CD2AP: variants seen among roughly 807,000 people sequenced by gnomAD.
CD2AP encodes CD2-associated protein.
A neutral mutation model predicts 85.1 loss-of-function variants in CD2AP; 46 were observed. The observed-to-expected ratio is 0.54, with a 90% confidence interval of 0.43 to 0.69. The LOEUF (loss-of-function observed/expected upper bound fraction) is 0.69, where lower values mean the gene tolerates loss of function less well. Ranked by LOEUF, CD2AP falls within the 30% of genes least tolerant of loss-of-function variation. The pLI is 0.00. For synonymous variants in CD2AP, 255 were observed against 252.9 expected (o/e 1.01, Z -0.08); for missense variants, 769 against 729.5 (o/e 1.05, Z -0.62).
intron 17 of CD2AP, among the ~76,000 whole-genome samples, chr6:47,617,751 A>G (rs1769630139): frequency 6.6e-6 from 1 of 152,000 alleles, no homozygotes; most frequent in African/African-American, 2.4e-5. Context: ...CCTTTCCTTC[A>G]TGGAGTACTT....
At chr6:47,503,529 T>C in intron 2 of CD2AP, 89 bp downstream of exon 2, 1 of 1,170,282 alleles carries the variant, frequency 8.5e-7, no homozygotes, top group East Asian at 2.6e-5. Context: ...AAAATTAAAA[T>C]GTTTTAGATA....
At chr6:47,547,580 G>A (rs548689409) in intron 4 of CD2AP, among the ~76,000 whole-genome samples, 20 of 152,024 alleles carry the variant, frequency 1.3e-4, no homozygotes, top group African/African-American at 4.8e-4. Context: ...AATAATAGTG[G>A]GGGACTTCAA....
intron 17 of CD2AP, 148 bp from the exon 18 acceptor site, chr6:47,624,038 C>A: frequency 1.5e-6 from 1 of 679,476 alleles, no homozygotes; most frequent in Non-Finnish European, 2.5e-6. Flanking sequence ...CTTTATTCAA[C>A]CAAATTATAG....
intron 1 of CD2AP, among the ~76,000 whole-genome samples, chr6:47,487,472 C>T (rs2113962634): frequency 6.6e-6 from 1 of 152,252 alleles, no homozygotes; most frequent in African/African-American, 2.4e-5. Flanking sequence ...GGACAGATCA[C>T]AAGGTCAGGA....
intron 3 of CD2AP, among the ~76,000 whole-genome samples, chr6:47,535,603 C>G (rs1767018267): frequency 6.6e-6 from 1 of 152,110 alleles, no homozygotes; most frequent in African/African-American, 2.4e-5. Flanking sequence ...CTTTGTTTCT[C>G]AAGGAAATAC....
chr6:47,594,953 G>A (rs904681532), intron 11 of CD2AP, among the ~76,000 whole-genome samples: 5 of 151,984 alleles, frequency 3.3e-5, no homozygotes, highest in African/African-American at 1.2e-4. Context: ...TCTTGTGATA[G>A]ACATTTTTTT....
chr6:47,583,339 A>G (rs1266050800), intron 11 of CD2AP, among the ~76,000 whole-genome samples: 2 of 152,154 alleles, frequency 1.3e-5, no homozygotes, highest in Non-Finnish European at 2.9e-5. Flanking sequence ...GATTTTGACA[A>G]ATGTATAATG....
chr6:47,568,406 CTG>C (rs903029471), intron 5 of CD2AP, among the ~76,000 whole-genome samples: 2 of 152,060 alleles, frequency 1.3e-5, no homozygotes, highest in African/African-American at 4.8e-5. Context: ...ATTCGGATGT[CTG>C]TGCAAAACTG....
intron 11 of CD2AP, among the ~76,000 whole-genome samples, chr6:47,582,790 G>GT (rs1554181771): frequency 2.3e-5 from 2 of 86,790 alleles, no homozygotes; most frequent in Non-Finnish European, 2.5e-5. Context: ...GTTTTTTTTT[G>GT]TTTTGTTTTT....
intron 17 of CD2AP, 96 bp downstream of exon 17, chr6:47,612,632 C>A: frequency 2.5e-6 from 2 of 791,650 alleles, no homozygotes; most frequent in Non-Finnish European, 4.4e-6. Flanking sequence ...ACAAATTATG[C>A]TATACTACTT....
chr6:47,551,362 C>G (rs1011751652), intron 4 of CD2AP, among the ~76,000 whole-genome samples: 2 of 152,048 alleles, frequency 1.3e-5, no homozygotes, highest in Non-Finnish European at 2.9e-5. Flanking sequence ...TAATTTATCA[C>G]TAGTGTTTTT....
chr6:47,501,876 C>T (rs1444200022), intron 1 of CD2AP, among the ~76,000 whole-genome samples: 4 of 152,136 alleles, frequency 2.6e-5, no homozygotes. Flanking sequence ...TATTAATCTT[C>T]ATTTTAGAGT....
At chr6:47,577,957 TATA>T (rs1437655271) in intron 8 of CD2AP, among the ~76,000 whole-genome samples, 4 of 152,326 alleles carry the variant, frequency 2.6e-5, no homozygotes, top group Admixed American at 2.6e-4. Context: ...TTGTGTAAAG[TATA>T]ATGATGTTAT....
At chr6:47,610,579 G>C (rs2114151410) in intron 16 of CD2AP, among the ~76,000 whole-genome samples, 1 of 152,098 alleles carries the variant, frequency 6.6e-6, no homozygotes, top group African/African-American at 2.4e-5. Context: ...AAGGTATTTG[G>C]AGTTTGCAGA....
intron 10 of CD2AP, among the ~76,000 whole-genome samples, chr6:47,581,602 C>A (rs1768481341): frequency 6.6e-6 from 1 of 152,032 alleles, no homozygotes. Flanking sequence ...AATGTGGTAG[C>A]CACTAACCAT....
rs749511546 is a variant in CD2AP, at chr6:47,607,942, G to A, written c.1546G>A (p.Glu516Lys). Residue 516 changes from glutamate (E) to lysine (K), a missense_variant, in exon 15 of 18, where the codon GAA (glutamate) becomes AAA (lysine). Physicochemically the swap from Glu to Lys is moderately conservative, Grantham distance 56 (BLOSUM62 1). Transcript: ENST00000359314. ...NGGHSPTHSPEKILKLPKEED... is the reference protein window; with the variant it reads ...NGGHSPTHSPKKILKLPKEED... Reference sequence around the variant, plus strand: ...AATCATTTAGCCAACTCACAGCCCCGAAAAAATCTTGAAGTTACCAAAAGA... The same window carrying A: ...AATCATTTAGCCAACTCACAGCCCCAAAAAAATCTTGAAGTTACCAAAAGA... The A allele has an allele frequency of 1.3e-5, 21 of 1,611,838 alleles. No homozygotes were observed. Among genetic ancestry groups the A allele is most frequent in the South Asian group, 1.2e-4 (11 of 90,922 alleles).
intron 2 of CD2AP, among the ~76,000 whole-genome samples, chr6:47,529,953 G>T (rs1426657704): frequency 6.6e-6 from 1 of 152,120 alleles, no homozygotes; most frequent in Admixed American, 6.6e-5. Context: ...TTCCTCAGAA[G>T]CTCTGTGCTT....
intron 11 of CD2AP, among the ~76,000 whole-genome samples, chr6:47,592,181 T>G (rs1768819142): frequency 6.6e-6 from 1 of 152,116 alleles, no homozygotes; most frequent in Non-Finnish European, 1.5e-5. Flanking sequence ...TAATTCTTCC[T>G]TGGTCATTCA....
At chr6:47,562,831 GA>G in intron 5 of CD2AP, 1 of 1,098,666 alleles carries the variant, frequency 9.1e-7, no homozygotes, top group Non-Finnish European at 1.4e-6. Flanking sequence ...CCTTGGTGCT[GA>G]ACACCAAATC....
Sources: gnomAD v4.1 joint callset for allele counts (sites outside exome capture counted in the v4.1 genomes callset) on GRCh38, gnomAD v4.1.1 for gene constraint, MANE v1.5 for transcripts, NCBI Gene and HGNC (gene_info 2026-07-23, HGNC 2026-07-21) for gene names.